FNBP1L: variants seen among roughly 807,000 people sequenced by gnomAD.
FNBP1L encodes the protein formin-binding protein 1-like.
Under a neutral mutation model 91.2 loss-of-function variants are expected in FNBP1L, and 36 were observed. The ratio of observed to expected loss-of-function variants is 0.39; its 90% CI spans 0.30 to 0.52. The LOEUF (loss-of-function observed/expected upper bound fraction) is 0.52, where lower values mean the gene tolerates loss of function less well. FNBP1L is among the 20% of genes least tolerant of loss of function. The probability of loss-of-function intolerance (pLI) is 0.66; values close to 1 mark genes in which losing one functional copy is unlikely to be tolerated. For synonymous variants in FNBP1L, 242 were observed against 237.0 expected, an observed-to-expected ratio of 1.02 and a Z score of -0.19; for missense variants, 571 against 732.1, an observed-to-expected ratio of 0.78 and a Z score of 2.54.
At chr1:93,518,398 A>G (rs997552281) in intron 2 of FNBP1L, among the ~76,000 whole-genome samples, 36 of 152,218 alleles carry the variant, frequency 2.4e-4, no homozygotes, top group African/African-American at 8.4e-4. Context: ...AGTAGTCACA[A>G]GACAGGGCTT....
chr1:93,527,897 G>T (rs944466324), intron 5 of FNBP1L, among the ~76,000 whole-genome samples: 1 of 150,698 alleles, frequency 6.6e-6, no homozygotes, highest in Non-Finnish European at 1.5e-5. Context: ...TTCTCAAAGG[G>T]AATAGAGAAA....
intron 2 of FNBP1L, among the ~76,000 whole-genome samples, chr1:93,501,491 T>A (rs879415694): frequency 5.3e-5 from 8 of 152,010 alleles, no homozygotes; most frequent in Admixed American, 5.2e-4. Context: ...AAAAACCCAC[T>A]CTCAAAAAGT....
intron 2 of FNBP1L, among the ~76,000 whole-genome samples, chr1:93,509,146 T>TTA (rs1670731322): frequency 6.6e-6 from 1 of 152,192 alleles, no homozygotes; most frequent in African/African-American, 2.4e-5. Context: ...TTAGGATATG[T>TTA]TAGGCTATAC....
intron 10 of FNBP1L, among the ~76,000 whole-genome samples, chr1:93,538,656 T>C (rs1418303313): frequency 6.7e-6 from 1 of 149,180 alleles, no homozygotes; most frequent in African/African-American, 2.4e-5. Context: ...TATAGAAAAA[T>C]TCAAAAAGAA....
intron 2 of FNBP1L, among the ~76,000 whole-genome samples, chr1:93,505,676 C>G (rs11164941): frequency 6.6e-6 from 1 of 152,058 alleles, no homozygotes; most frequent in African/African-American, 2.4e-5. Flanking sequence ...AATGTTAGCA[C>G]AGGTCTTTAA....
At chr1:93,549,716 C>T (rs1672347034) in intron 15 of FNBP1L, among the ~76,000 whole-genome samples, 1 of 152,200 alleles carries the variant, frequency 6.6e-6, no homozygotes, top group Non-Finnish European at 1.5e-5. Flanking sequence ...CCTTACTGTG[C>T]ACATGTCCTA....
intron 2 of FNBP1L, among the ~76,000 whole-genome samples, chr1:93,510,619 A>C (rs913231165): frequency 2.0e-5 from 3 of 152,234 alleles, no homozygotes; most frequent in African/African-American, 7.2e-5. Flanking sequence ...AATGACTTTG[A>C]TGAGCTGAGA....
At chr1:93,520,970 A>G (rs1030531118) in intron 2 of FNBP1L, among the ~76,000 whole-genome samples, 3 of 152,168 alleles carry the variant, frequency 2.0e-5, no homozygotes, top group African/African-American at 7.2e-5. Context: ...TGAACCCCGG[A>G]GGCAGAGGTT....
intron 2 of FNBP1L, among the ~76,000 whole-genome samples, chr1:93,503,449 G>A (rs1670503115): frequency 6.6e-6 from 1 of 152,100 alleles, no homozygotes; most frequent in South Asian, 2.1e-4. Context: ...CTGATGTTAA[G>A]CAATTACATT....
At chr1:93,531,261 A>G (rs1671669154) in intron 7 of FNBP1L, among the ~76,000 whole-genome samples, 1 of 152,216 alleles carries the variant, frequency 6.6e-6, no homozygotes, top group African/African-American at 2.4e-5. Flanking sequence ...GATGGCAGAA[A>G]TAAATCTTAC....
intron 9 of FNBP1L, among the ~76,000 whole-genome samples, chr1:93,535,949 T>C (rs1033575818): frequency 3.9e-5 from 6 of 152,110 alleles, no homozygotes; most frequent in African/African-American, 1.4e-4. Context: ...TGTGCGACAT[T>C]ACCTGTTTAG....
In FNBP1L at chr1:93,505,198, G is replaced by A. The variant is rs566725438; in HGVS notation, c.140+5615G>A. 6.2e-4 allele frequency among the ~76,000 whole-genome samples: 91 copies of A among 146,844 alleles called. 1 individual carries two copies. Among genetic ancestry groups the A allele is most frequent in the African/African-American group, 2.2e-3 (88 of 39,316 alleles). The stretch of plus-strand genomic sequence containing the variant: ...GCGATCTTGGCTCACTGCAACTTCC[G>A]TCTCCTGGGTTCAAGCTGTTTGAAA... On this transcript the variant is annotated intron_variant, in intron 2 of 16. Transcript: ENST00000271234.
At position 93,469,149 on chromosome 1, in the gene FNBP1L, A is replaced by G. The variant is rs191637602; in HGVS notation, c.24+20844A>G. Among the ~76,000 whole-genome samples, 9 of 152,114 alleles carry G rather than the reference A, an allele frequency of 5.9e-5. No individual in the cohort carries two copies. In the East Asian group the frequency reaches 1.2e-3, roughly 20 times the overall value. ...TGTGCACAACATGCAGGTTTGTTAC[A>G]TAGGTATACATGTGCCATGTTGGTT... On this transcript the variant is annotated intron_variant, in intron 1 of 16. Coordinates refer to ENST00000271234, the MANE Select transcript of FNBP1L (RefSeq NM_001164473.3).
chr1:93,511,372 GA>G, intron 2 of FNBP1L, among the ~76,000 whole-genome samples: 1 of 152,220 alleles, frequency 6.6e-6, no homozygotes, highest in East Asian at 1.9e-4. Context: ...ATAAGTGAAG[GA>G]GAAATAAAAT....
chr1:93,492,999 A>G (rs564301596), intron 1 of FNBP1L, among the ~76,000 whole-genome samples: 1 of 152,238 alleles, frequency 6.6e-6, no homozygotes, highest in South Asian at 2.1e-4. Flanking sequence ...AATTATTGAG[A>G]AGGTTATTTG....
intron 10 of FNBP1L, among the ~76,000 whole-genome samples, chr1:93,537,157 A>G (rs1024875835): frequency 3.3e-5 from 5 of 152,038 alleles, no homozygotes; most frequent in African/African-American, 1.2e-4. Context: ...TAGTGAGGCT[A>G]ATTTTTCTTG....
At chr1:93,482,380 T>A in intron 1 of FNBP1L, among the ~76,000 whole-genome samples, 1 of 152,170 alleles carries the variant, frequency 6.6e-6, no homozygotes, top group East Asian at 1.9e-4. Context: ...TTAGAGCCAT[T>A]TTATGTAAAT....
intron 7 of FNBP1L, among the ~76,000 whole-genome samples, chr1:93,532,456 C>A (rs112369201): frequency 5.1e-5 from 6 of 118,586 alleles, no homozygotes; most frequent in Non-Finnish European, 9.8e-5. Flanking sequence ...GGCGACAGAG[C>A]GAGACTCCGC....
chr1:93,511,960 C>T (rs1444949547), intron 2 of FNBP1L, among the ~76,000 whole-genome samples: 234 of 81,064 alleles, frequency 2.9e-3, no homozygotes, highest in African/African-American at 7.1e-3. Flanking sequence ...AGCGAGACTC[C>T]GTCTCAAAAA....
Sources: allele counts gnomAD v4.1 joint callset (sites outside exome capture counted in the v4.1 genomes callset), GRCh38; gene constraint gnomAD v4.1.1; transcripts MANE v1.5; gene names NCBI Gene and HGNC (gene_info 2026-07-23, HGNC 2026-07-21).